Variants in PCDH15 observed in about 807,000 individuals in gnomAD.
PCDH15 encodes the protein protocadherin related 15, also known as protocadherin-15.
Under a neutral mutation model 178.5 loss-of-function variants are expected in PCDH15, and 129 were observed. The ratio of observed to expected loss-of-function variants is 0.72; its 90% CI spans 0.63 to 0.84. The LOEUF is 0.84. Among genes scored for constraint, PCDH15 ranks in the 40% least tolerant of loss-of-function variants. The probability of loss-of-function intolerance (pLI) is 0.00; values close to 1 mark genes in which losing one functional copy is unlikely to be tolerated. For missense variants in PCDH15, 2,230 were observed against 2,099.9 expected, an observed-to-expected ratio of 1.06 and a Z score of -1.21; for synonymous variants, 800 against 732.0, an observed-to-expected ratio of 1.09 and a Z score of -1.50.
intron 2 of PCDH15, among the ~76,000 whole-genome samples, chr10:55,622,340 A>G (rs1192584642): frequency 6.6e-6 from 1 of 151,338 alleles, no homozygotes; most frequent in East Asian, 1.9e-4. Flanking sequence ...AAAACTGATA[A>G]TTGTACTTCC....
At chr10:53,880,857 T>A in intron 26 of PCDH15, among the ~76,000 whole-genome samples, 1 of 152,100 alleles carries the variant, frequency 6.6e-6, no homozygotes, top group East Asian at 1.9e-4. Flanking sequence ...ATCTGTCTCC[T>A]CGAATTTATA....
intron 2 of PCDH15, among the ~76,000 whole-genome samples, chr10:55,492,697 C>G (rs1840444569): frequency 1.3e-5 from 2 of 151,728 alleles, no homozygotes; most frequent in African/African-American, 4.8e-5. Flanking sequence ...GGAAAAAATG[C>G]AGGCAATAGG....
chr10:55,157,488 A>T (rs1192237433), intron 2 of PCDH15, among the ~76,000 whole-genome samples: 2 of 148,772 alleles, frequency 1.3e-5, no homozygotes, highest in African/African-American at 5.0e-5. Context: ...TCATGCTGCT[A>T]TAAAGACACA....
intron 2 of PCDH15, among the ~76,000 whole-genome samples, chr10:55,029,088 T>TTACTCAAATG (rs550341319): frequency 1.1e-3 from 160 of 152,126 alleles, no homozygotes; most frequent in African/African-American, 3.6e-3. Flanking sequence ...TTGCTGTAAG[T>TTACTCAAATG]TGCCCTGTAC....
chr10:53,810,863 G>A (rs1403401969), intron 36 of PCDH15, among the ~76,000 whole-genome samples, 199 bp from the exon 37 acceptor site: 3 of 152,128 alleles, frequency 2.0e-5, no homozygotes, highest in African/African-American at 7.2e-5. Flanking sequence ...TTGCCATAAT[G>A]GTACCCTGGA....
chr10:54,781,679 C>T (rs1406523377), intron 1 of PCDH15, among the ~76,000 whole-genome samples: 2 of 152,160 alleles, frequency 1.3e-5, no homozygotes, highest in East Asian at 1.9e-4. Flanking sequence ...TTCTAAATAT[C>T]TGAACTGTAA....
chr10:53,878,989 T>C (rs1251221354), intron 26 of PCDH15, among the ~76,000 whole-genome samples: 1 of 152,182 alleles, frequency 6.6e-6, no homozygotes, highest in Non-Finnish European at 1.5e-5. Context: ...TAAAATGCAG[T>C]GCCTGGTACA....
At chr10:53,998,987 A>C (rs1242320849) in intron 20 of PCDH15, among the ~76,000 whole-genome samples, 1 of 145,136 alleles carries the variant, frequency 6.9e-6, no homozygotes, top group East Asian at 2.2e-4. Flanking sequence ...CAGGAGGCGG[A>C]TGTTGCAGTG....
intron 2 of PCDH15, among the ~76,000 whole-genome samples, chr10:55,608,237 A>G (rs966585926): frequency 6.8e-6 from 1 of 148,104 alleles, no homozygotes; most frequent in African/African-American, 2.5e-5. Flanking sequence ...ATTTGGAGGA[A>G]GGAAGGAAGA....
chr10:54,339,421 T>A (rs1215159477), intron 6 of PCDH15, among the ~76,000 whole-genome samples: 1 of 152,088 alleles, frequency 6.6e-6, no homozygotes, highest in Non-Finnish European at 1.5e-5. Flanking sequence ...AGAAATTGCA[T>A]AGAAATTAAA....
intron 21 of PCDH15, 78 bp from the exon 22 acceptor site, chr10:53,961,970 T>C: frequency 2.6e-6 from 3 of 1,173,336 alleles, no homozygotes; most frequent in Non-Finnish European, 3.7e-6. Flanking sequence ...AATGGATCTT[T>C]AAAATTCATG....
At chr10:55,275,641 A>C (rs947492126) in intron 1 of PCDH15, among the ~76,000 whole-genome samples, 1 of 149,324 alleles carries the variant, frequency 6.7e-6, no homozygotes, top group Non-Finnish European at 1.5e-5. Flanking sequence ...CTATACAATA[A>C]TTTCACTTAG....
intron 2 of PCDH15, among the ~76,000 whole-genome samples, chr10:55,154,635 T>C (rs1163119952): frequency 6.6e-6 from 1 of 152,130 alleles, no homozygotes; most frequent in East Asian, 1.9e-4. Context: ...CCAGGCAGCA[T>C]TCAGGGATTC....
intron 19 of PCDH15, 54 bp downstream of exon 19, chr10:54,022,838 A>G (rs1012976158): frequency 1.3e-5 from 20 of 1,589,026 alleles, no homozygotes; most frequent in Non-Finnish European, 1.0e-5. Context: ...CACAAACCCT[A>G]ATAGCAAATC....
chr10:54,161,801 T>A (rs2045740142), intron 13 of PCDH15, among the ~76,000 whole-genome samples: 1 of 152,120 alleles, frequency 6.6e-6, no homozygotes, highest in Non-Finnish European at 1.5e-5. Context: ...CCCTAATATT[T>A]GTTTTTGCAC....
At chr10:55,351,865 T>C (rs1844944590) in intron 2 of PCDH15, among the ~76,000 whole-genome samples, 1 of 152,192 alleles carries the variant, frequency 6.6e-6, no homozygotes, top group Non-Finnish European at 1.5e-5. Flanking sequence ...TCCTGAATGT[T>C]AAGTCTCATT....
chr10:54,871,902 G>A (rs192376031), intron 3 of PCDH15, among the ~76,000 whole-genome samples: 1 of 152,164 alleles, frequency 6.6e-6, no homozygotes, highest in East Asian at 1.9e-4. Flanking sequence ...AAACTACTGT[G>A]AGTGTAATAC....
chr10:54,551,679 A>T (rs1052330822), intron 2 of PCDH15, among the ~76,000 whole-genome samples: 1 of 152,076 alleles, frequency 6.6e-6, no homozygotes, highest in Non-Finnish European at 1.5e-5. Context: ...AATTAAATGT[A>T]TCATATTTTC....
At chr10:54,044,502 C>A (rs2093618182) in intron 18 of PCDH15, among the ~76,000 whole-genome samples, 1 of 151,980 alleles carries the variant, frequency 6.6e-6, no homozygotes, top group Non-Finnish European at 1.5e-5. Context: ...CCTCACCAGG[C>A]CAGAGTAGAG....
Sources: gnomAD v4.1 joint callset for allele counts (sites outside exome capture counted in the v4.1 genomes callset) on GRCh38, gnomAD v4.1.1 for gene constraint, MANE v1.5 for transcripts, NCBI Gene and HGNC (gene_info 2026-07-23, HGNC 2026-07-21) for gene names.